PROCA1: variants seen among roughly 807,000 people sequenced by gnomAD.
The protein encoded by PROCA1 is protein interacting with cyclin A1, also known as protein PROCA1.
Under a neutral mutation model 23.2 loss-of-function variants are expected in PROCA1, and 22 were observed. The ratio of observed to expected loss-of-function variants is 0.95; its 90% CI spans 0.68 to 1.35. PROCA1 has a LOEUF of 1.35. Among genes scored for constraint, PROCA1 ranks in the 40% most tolerant of loss-of-function variants. PROCA1 has a pLI of 0.00. For synonymous variants in PROCA1, 182 were observed against 179.2 expected (o/e 1.02, Z -0.12); for missense variants, 469 against 459.8 (o/e 1.02, Z -0.18).
chr17:28,704,877 G>C, intron 2 of PROCA1, 34 bp from the exon 3 acceptor site: 5 of 1,604,702 alleles, frequency 3.1e-6, no homozygotes, highest in Non-Finnish European at 4.3e-6. Context: ...ATCAGTAGCA[G>C]CCGCAGACCT....
chr17:28,711,231 G>A (rs866175158), intron 1 of PROCA1: 15 of 1,011,022 alleles, frequency 1.5e-5, no homozygotes, highest in Non-Finnish European at 1.9e-5. Context: ...CTCCAGCCAA[G>A]GCCGGCGCTT....
chr17:28,704,811 T>G lies in PROCA1; in HGVS notation c.208A>C (p.Arg70=). 6.2e-7 allele frequency: 1 copy of G among 1,613,378 alleles called. No homozygotes were observed. The highest frequency in any genetic ancestry group is 8.5e-7 in the Non-Finnish European group (1 of 1,179,932). Residue 70 remains arginine (R), a synonymous_variant, in exon 3 of 5, where the codon AGA becomes CGA. Transcript: ENST00000682792. ...DCKEPDKCCW[R]HKQCTGHIIY... ...ATGTGCCCAGTGCACTGCTTGTGTCTCCAGCAGCACTTGTCAGGCTCCTTG... is the reference window on the plus strand; with the variant it reads ...ATGTGCCCAGTGCACTGCTTGTGTCGCCAGCAGCACTTGTCAGGCTCCTTG...
intron 1 of PROCA1, among the ~76,000 whole-genome samples, chr17:28,707,624 A>G (rs547233471): frequency 6.6e-6 from 1 of 152,094 alleles, no homozygotes; most frequent in South Asian, 2.1e-4. Context: ...AAGCATCTAT[A>G]TTTTAGGTCC....
chr17:28,711,152 G>T lies in PROCA1; in HGVS notation c.91+418C>A, dbSNP rs1313176626. 5.1e-6 allele frequency: 6 copies of T among 1,184,934 alleles called. No homozygotes were observed. The East Asian group carries it at 2.3e-4, about 45-fold the overall frequency. 73.4% of individuals were successfully genotyped at this position (1,184,934 alleles called of 1,614,324 possible). ...CACGGGTGGAACCCTCAGTCTCCTTGGTCCACCCTCAGGGTCGATGGAACC... is the reference window on the plus strand; with the variant it reads ...CACGGGTGGAACCCTCAGTCTCCTTTGTCCACCCTCAGGGTCGATGGAACC... On this transcript the variant is annotated intron_variant, in intron 1 of 4. Coordinates refer to ENST00000682792, the MANE Select transcript of PROCA1 (RefSeq NM_001366301.1).
At position 28,704,343 on chromosome 17, in the gene PROCA1, GGT is replaced by G; in HGVS notation, c.402_403del (p.Pro135GlyfsTer31). On this transcript the variant is annotated frameshift_variant, in exon 4 of 5. Transcript: ENST00000682792. LOFTEE classifies it low-confidence loss of function (END_TRUNC). Reference sequence around the variant, plus strand: ...GAATCGCTCCACATGCTCCTCCTCCGGTGTGAGCTCAAAGCAAGGGGACTCGA... The same window carrying G: ...GAATCGCTCCACATGCTCCTCCTCCGGTGAGCTCAAAGCAAGGGGACTCGA... 1 of 1,614,076 alleles carries G rather than the reference GGT, an allele frequency of 6.2e-7. No individual in the cohort carries two copies. The highest frequency in any genetic ancestry group is 1.1e-5 in the South Asian group (1 of 91,058).
At position 28,711,606 on chromosome 17, in the gene PROCA1, G is replaced by A. The variant is rs1289607154; in HGVS notation, c.55C>T (p.Pro19Ser). Residue 19 changes from proline (P) to serine (S), a missense_variant, in exon 1 of 5, where the codon CCC becomes TCC. Transcript: ENST00000682792. ...IERWTKEKTE[P>S]KARSWDESRC... The stretch of plus-strand genomic sequence containing the variant: ...CTCTCATCCCACGAGCGGGCCTTGG[G>A]CTCGGTCTTTTCCTTAGTCCATCTT... 6.2e-7 allele frequency: 1 copy of A among 1,611,964 alleles called. No homozygotes were observed. Among genetic ancestry groups the A allele is most frequent in the South Asian group, 1.1e-5 (1 of 90,948 alleles).
At chr17:28,704,631 C>T in intron 3 of PROCA1, 77 bp downstream of exon 3, 4 of 1,589,924 alleles carry the variant, frequency 2.5e-6, no homozygotes, top group Non-Finnish European at 3.4e-6. Context: ...AGAGGCAAAC[C>T]AAAGGTTGAA....
chr17:28,703,902 C>T lies in PROCA1; in HGVS notation c.751G>A (p.Glu251Lys). The change falls in exon 5 of 5, where the codon GAG (glutamate) becomes AAG (lysine). Residue 251 changes from glutamate to lysine, a missense_variant. Physicochemically the swap from Glu to Lys is moderately conservative, Grantham distance 56. Coordinates refer to ENST00000682792, the MANE Select transcript of PROCA1 (RefSeq NM_001366301.1). ...EKEKDKEEMDEKAKLKKKAKK... is the reference protein window; with the variant it reads ...EKEKDKEEMDKKAKLKKKAKK... ...GCTTTTTTCTTCAGCTTTGCCTTCTCATCCATCTCCTCCTTGTCTTTCTCT... is the reference window on the plus strand; with the variant it reads ...GCTTTTTTCTTCAGCTTTGCCTTCTTATCCATCTCCTCCTTGTCTTTCTCT... The T allele has an allele frequency of 6.2e-7, 1 of 1,614,090 alleles. No homozygotes were observed. Among genetic ancestry groups the T allele is most frequent in the Non-Finnish European group, 8.5e-7 (1 of 1,180,024 alleles).
In PROCA1 at chr17:28,703,393, C is replaced by T. The variant is rs2032219677; in HGVS notation, c.*165G>A. ...CCTTCCTTTCCCTCCCACCTGCCTT[C>T]CCATGGGCTTCCTTTGTGAAAGCTG... On this transcript the variant is annotated 3_prime_UTR_variant, in exon 5 of 5. Coordinates refer to ENST00000682792, the MANE Select transcript of PROCA1 (RefSeq NM_001366301.1). 1.4e-6 allele frequency: 1 copy of T among 697,850 alleles called. No individual in the cohort carries two copies. The highest frequency in any genetic ancestry group is 2.4e-6 in the Non-Finnish European group (1 of 416,782). 43.2% of individuals were successfully genotyped at this position (697,850 alleles called of 1,614,324 possible).
At chr17:28,711,452 C>T in intron 1 of PROCA1, 118 bp downstream of exon 1, 1 of 850,426 alleles carries the variant, frequency 1.2e-6, no homozygotes, top group Non-Finnish European at 1.8e-6. Context: ...CACTGGGCCC[C>T]GCCTCTCTCG....
chr17:28,711,010 G>GAGGGAAGGAGT, intron 1 of PROCA1: 1 of 890,600 alleles, frequency 1.1e-6, no homozygotes. Context: ...GGCGGGAAGG[G>GAGGGAAGGAGT]AGGGAAGAAA....
chr17:28,703,623 G>C lies in PROCA1; in HGVS notation c.1030C>G (p.Pro344Ala). 1 of 1,614,210 alleles carries C rather than the reference G, an allele frequency of 6.2e-7. No homozygotes were observed. The highest frequency in any genetic ancestry group is 8.5e-7 in the Non-Finnish European group (1 of 1,180,040). Reference sequence around the variant, plus strand: ...TTGTTTACCTTCCTGGCTTGTGAGGGCTTTGCCCCTGTCTTTTTGGCCTGG... The same window carrying C: ...TTGTTTACCTTCCTGGCTTGTGAGGCCTTTGCCCCTGTCTTTTTGGCCTGG... Reference protein sequence around the residue: ...TVQAKKTGAKPSQARKVNKRK... With the variant: ...TVQAKKTGAKASQARKVNKRK... The change falls in exon 5 of 5, where the codon CCC (proline) becomes GCC (alanine). Residue 344 changes from proline (P) to alanine (A), a missense_variant. Pro to Ala is a conservative substitution (Grantham distance 27). Transcript: ENST00000682792.
At chr17:28,709,239 C>T (rs974805425) in intron 1 of PROCA1, among the ~76,000 whole-genome samples, 1 of 152,088 alleles carries the variant, frequency 6.6e-6, no homozygotes, top group Admixed American at 6.6e-5. Context: ...AGCTCCACAG[C>T]CAAGCCTTTT....
chr17:28,711,849 C>T lies in PROCA1; in HGVS notation c.-189G>A. 1.9e-6 allele frequency: 1 copy of T among 534,330 alleles called. No homozygotes were observed. Among genetic ancestry groups the T allele is most frequent in the Non-Finnish European group, 3.2e-6 (1 of 307,826 alleles). 33.1% of individuals were successfully genotyped at this position (534,330 alleles called of 1,614,324 possible). ...CCAGCCCGGCTCCAGGCTGCGTAGT[C>T]TTCCCAGCTGGGTCTCAGCGTCAGC... On this transcript the variant is annotated 5_prime_UTR_variant, in exon 1 of 5. Coordinates refer to ENST00000682792, the MANE Select transcript of PROCA1 (RefSeq NM_001366301.1).
Position 28,704,220 on chromosome 17 carries a change from A to G in PROCA1, c.441-8T>C. The G allele has an allele frequency of 1.9e-6, 3 of 1,552,810 alleles. No homozygotes were observed. Among genetic ancestry groups the G allele is most frequent in the Non-Finnish European group, 2.6e-6 (3 of 1,150,838 alleles). ...GGTCTGTAGCTTTTGCACCTGGGAG[A>G]AGGGACAACGGGGGAAGTTTGACAG... On this transcript the variant is annotated splice_region_variant and splice_polypyrimidine_tract_variant and intron_variant, in intron 4 of 4. Transcript: ENST00000682792.
chr17:28,711,760 C>T lies in PROCA1; in HGVS notation c.-100G>A, dbSNP rs934924631. The T allele has an allele frequency of 1.8e-5, 19 of 1,031,340 alleles. No individual in the cohort carries two copies. Among genetic ancestry groups the T allele is most frequent in the Non-Finnish European group, 2.4e-5 (18 of 736,646 alleles). The allele number at this position is 1,031,340 out of a possible 1,614,324, so 63.9% of individuals were successfully genotyped here. A position where few individuals can be genotyped will look rare whatever the true frequency, so the allele number is the denominator to read the frequency against. The stretch of plus-strand genomic sequence containing the variant: ...CCTCGGCCCAGCCGTGAACTCCAGT[C>T]TCGGCTTCGCCCCCGCCTAGCCCCT... On this transcript the variant is annotated 5_prime_UTR_variant, in exon 1 of 5. Coordinates refer to ENST00000682792, the MANE Select transcript of PROCA1 (RefSeq NM_001366301.1).
Position 28,711,774 on chromosome 17 carries a change from CG to C in PROCA1, c.-115del. 1 of 851,320 alleles carries C rather than the reference CG, an allele frequency of 1.2e-6. No homozygotes were observed. Among genetic ancestry groups the C allele is most frequent in the Non-Finnish European group, 1.7e-6 (1 of 582,038 alleles). 52.7% of individuals were successfully genotyped at this position (851,320 alleles called of 1,614,324 possible). ...TGAACTCCAGTCTCGGCTTCGCCCCCGCCTAGCCCCTAACCCCGCCTCATGC... is the reference window on the plus strand; with the variant it reads ...TGAACTCCAGTCTCGGCTTCGCCCCCCCTAGCCCCTAACCCCGCCTCATGC... On this transcript the variant is annotated 5_prime_UTR_variant, in exon 1 of 5. It introduces an in-frame stop codon into an upstream open reading frame of the 5' UTR. Coordinates refer to ENST00000682792, the MANE Select transcript of PROCA1 (RefSeq NM_001366301.1).
intron 1 of PROCA1, chr17:28,707,078 A>G: frequency 3.2e-6 from 1 of 316,254 alleles, no homozygotes; most frequent in South Asian, 2.6e-5. Context: ...GGGACTATGG[A>G]AGACTTCTTG....
Position 28,711,635 on chromosome 17 carries a change from A to G in PROCA1, c.26T>C (p.Ile9Thr), listed in dbSNP as rs200984168. ...GGTCTTTTCCTTAGTCCATCTTTCA[A>G]TTGTGAGCGTCGTCCTGACCCACAT... is the stretch of plus-strand genomic sequence containing the variant. MWVRTTLT[I>T]ERWTKEKTEP... Residue 9 changes from isoleucine (I) to threonine (T), a missense_variant, in exon 1 of 5, where the codon ATT becomes ACT. Transcript: ENST00000682792. 3.7e-5 allele frequency: 60 copies of G among 1,611,940 alleles called. No individual in the cohort carries two copies. The highest frequency in any genetic ancestry group is 4.5e-5 in the East Asian group (2 of 44,562).
Sources: allele counts gnomAD v4.1 joint callset (sites outside exome capture counted in the v4.1 genomes callset), GRCh38; gene constraint gnomAD v4.1.1; transcripts MANE v1.5; gene names NCBI Gene and HGNC (gene_info 2026-07-23, HGNC 2026-07-21).